Variants in TTL observed in about 807,000 individuals in gnomAD.
TTL encodes tubulin--tyrosine ligase.
A neutral mutation model predicts 41.1 loss-of-function variants in TTL; 10 were observed. That is an observed-to-expected ratio of 0.24 (90% CI 0.15 to 0.41). The LOEUF is 0.41. Among genes scored for constraint, TTL ranks in the 10% least tolerant of loss-of-function variants. The pLI, the probability that TTL is intolerant of heterozygous loss-of-function variation, is 1.00. For missense variants in TTL, 367 were observed against 460.4 expected, an observed-to-expected ratio of 0.80 and a Z score of 1.86; for synonymous variants, 175 against 175.5, an observed-to-expected ratio of 1.00 and a Z score of 0.02.
chr2:112,531,895 T>A lies in TTL; in HGVS notation c.*3100T>A, dbSNP rs2104483184. On this transcript the variant is annotated 3_prime_UTR_variant, in exon 7 of 7. Transcript: ENST00000233336. ...ATGTAAACAGACACGAAATTATAAA[T>A]CTGCTAAATATGTATTAAGGGTATT... 1 of 222,566 alleles carries A rather than the reference T, an allele frequency of 4.5e-6. No homozygotes were observed. Among genetic ancestry groups the A allele is most frequent in the Middle Eastern group, 1.4e-3 (1 of 708 alleles). 13.8% of individuals were successfully genotyped at this position (222,566 alleles called of 1,614,324 possible).
At chr2:112,520,189 T>G in intron 5 of TTL, 93 bp from the exon 6 acceptor site, 8 of 1,375,178 alleles carry the variant, frequency 5.8e-6, no homozygotes, top group Non-Finnish European at 7.1e-6. Flanking sequence ...GATATTTGTA[T>G]TCATCTCATA....
rs1561266 is a variant in TTL at position 112,530,387 on chromosome 2, A to G, written c.*1592A>G. 188,417 of 230,612 alleles carry G rather than the reference A, an allele frequency of 0.82. 78,022 individuals carry two copies. Among genetic ancestry groups the G allele is most frequent in the East Asian group, 1 (16,238 of 16,248 alleles). 14.3% of individuals were successfully genotyped at this position (230,612 alleles called of 1,614,324 possible). A position where few individuals can be genotyped will look rare whatever the true frequency, so the allele number is the denominator to read the frequency against. ...GGCTCTCATGGAAATTTGGAATTAC[A>G]AAATAAACGTCCTGGGGGTTACCCA... On this transcript the variant is annotated 3_prime_UTR_variant, in exon 7 of 7. Transcript: ENST00000233336.
intron 2 of TTL, among the ~76,000 whole-genome samples, chr2:112,488,519 A>T (rs1681299861): frequency 6.6e-6 from 1 of 152,086 alleles, no homozygotes; most frequent in African/African-American, 2.4e-5. Context: ...GCACTTTGGG[A>T]GTCTGAGGCG....
rs1574050180 is a variant in TTL at position 112,482,947 on chromosome 2, C to T, written c.157+446C>T. Among the ~76,000 whole-genome samples, 1 of 152,184 alleles carries T rather than the reference C, an allele frequency of 6.6e-6. No homozygotes were observed. Among genetic ancestry groups the T allele is most frequent in the South Asian group, 2.1e-4 (1 of 4,834 alleles). On this transcript the variant is annotated intron_variant, in intron 1 of 6. Transcript: ENST00000233336. The surrounding 1 kb of genome is among the most constrained non-coding windows in gnomAD (Gnocchi z 5.3). Reference sequence around the variant, plus strand: ...TCTCCCTGCTTGGCGTGGGCGCGGGCGGGGGAGCCGTAGGTGTTGAAACCC... The same window carrying T: ...TCTCCCTGCTTGGCGTGGGCGCGGGTGGGGGAGCCGTAGGTGTTGAAACCC...
chr2:112,496,977 C>T (rs1681549704), intron 3 of TTL, among the ~76,000 whole-genome samples: 1 of 151,996 alleles, frequency 6.6e-6, no homozygotes, highest in African/African-American at 2.4e-5. Flanking sequence ...CCAGCCACCA[C>T]ACCCGGCTAA....
intron 2 of TTL, among the ~76,000 whole-genome samples, chr2:112,491,870 T>G (rs1395727295): frequency 3.3e-5 from 5 of 152,240 alleles, no homozygotes; most frequent in Non-Finnish European, 7.3e-5. Flanking sequence ...TCAGTTCTTT[T>G]TTTTTAAATC....
chr2:112,485,503 G>A (rs1313274741), intron 1 of TTL, among the ~76,000 whole-genome samples: 3 of 152,170 alleles, frequency 2.0e-5, no homozygotes, highest in African/African-American at 7.2e-5. Context: ...CCTTGGTATG[G>A]AAAGCCAGGT....
At chr2:112,499,879 C>T (rs181754513) in intron 3 of TTL, among the ~76,000 whole-genome samples, 50 of 152,294 alleles carry the variant, frequency 3.3e-4, no homozygotes, top group African/African-American at 1.1e-3. Flanking sequence ...CACCTGCATA[C>T]GTAGTATTCC....
intron 3 of TTL, among the ~76,000 whole-genome samples, chr2:112,497,563 G>A (rs956422153): frequency 2.0e-5 from 3 of 151,886 alleles, no homozygotes; most frequent in Admixed American, 6.6e-5. Context: ...TTTTGATACT[G>A]TTGTATCAAA....
At chr2:112,517,794 A>G (rs1682110435) in intron 5 of TTL, among the ~76,000 whole-genome samples, 2 of 151,302 alleles carry the variant, frequency 1.3e-5, no homozygotes, top group African/African-American at 4.8e-5. Context: ...TACAAAAAAA[A>G]TTAGCAGGGT....
intron 3 of TTL, among the ~76,000 whole-genome samples, chr2:112,496,707 G>GTA (rs1681539659): frequency 1.2e-5 from 1 of 82,708 alleles, no homozygotes; most frequent in Non-Finnish European, 2.5e-5. Flanking sequence ...GTGTGTGTGT[G>GTA]TATTTTTTTT....
At chr2:112,498,228 T>C (rs1024534847) in intron 3 of TTL, among the ~76,000 whole-genome samples, 1 of 151,532 alleles carries the variant, frequency 6.6e-6, no homozygotes, top group East Asian at 1.9e-4. Flanking sequence ...GAGGCTGAGG[T>C]GGGAGAATCG....
chr2:112,500,527 C>T lies in TTL; in HGVS notation c.470-679C>T, dbSNP rs530352828. The stretch of plus-strand genomic sequence containing the variant: ...CGAAGGTTACAGTGAGCTGAGATTG[C>T]GCCACTGCACTCCATCCTGGGCGAC... On this transcript the variant is annotated intron_variant, in intron 3 of 6. Coordinates refer to ENST00000233336, the MANE Select transcript of TTL (RefSeq NM_153712.5). Among the ~76,000 whole-genome samples the T allele has an allele frequency of 8.7e-3, 1,328 of 152,126 alleles. 15 individuals are homozygous for T. The highest frequency in any genetic ancestry group is 0.03 in the African/African-American group (1,236 of 41,496).
intron 6 of TTL, chr2:112,522,031 C>A (rs909134202): frequency 6.6e-6 from 1 of 152,444 alleles, no homozygotes. Context: ...GTGCTCTAGA[C>A]CTTTCCCTCC....
intron 2 of TTL, among the ~76,000 whole-genome samples, chr2:112,488,973 GCTACTT>G (rs1559010177): frequency 6.6e-6 from 1 of 151,952 alleles, no homozygotes; most frequent in Non-Finnish European, 1.5e-5. Flanking sequence ...TGTAGTCCCA[GCTACTT>G]GGGAGGCTGA....
intron 6 of TTL, among the ~76,000 whole-genome samples, chr2:112,523,817 T>G (rs1054848566): frequency 3.9e-5 from 6 of 152,126 alleles, no homozygotes; most frequent in African/African-American, 7.2e-5. Flanking sequence ...TATTATACTT[T>G]AAGTTCTAGG....
intron 5 of TTL, among the ~76,000 whole-genome samples, chr2:112,516,900 A>C (rs1006512136): frequency 3.3e-5 from 5 of 152,186 alleles, no homozygotes; most frequent in East Asian, 3.8e-4. Context: ...CAGATAAATC[A>C]AATATGCTGG....
At chr2:112,496,703 G>C (rs953724379) in intron 3 of TTL, among the ~76,000 whole-genome samples, 1 of 111,060 alleles carries the variant, frequency 9.0e-6, no homozygotes, top group Non-Finnish European at 1.9e-5. Context: ...GTGTGTGTGT[G>C]TGTGTATTTT....
At chr2:112,497,711 A>G (rs1226899775) in intron 3 of TTL, among the ~76,000 whole-genome samples, 1 of 151,810 alleles carries the variant, frequency 6.6e-6, no homozygotes, top group Non-Finnish European at 1.5e-5. Context: ...AGTGACAGGA[A>G]GAAGATAGTT....
Sources: gnomAD v4.1 joint callset for allele counts (sites outside exome capture counted in the v4.1 genomes callset) on GRCh38, gnomAD v4.1.1 for gene constraint, Gnocchi (gnomAD v3.1) non-coding constraint, MANE v1.5 for transcripts, NCBI Gene and HGNC (gene_info 2026-07-23, HGNC 2026-07-21) for gene names.